The following PIWIL3 variants were observed in gnomAD, a reference collection of about 807,000 sequenced individuals.
The protein encoded by PIWIL3 is piwi-like protein 3.
PIWIL3 carries 101 observed loss-of-function variants against 109.7 expected under a neutral mutation model. That is an observed-to-expected ratio of 0.92 (90% CI 0.78 to 1.09). PIWIL3 has a LOEUF of 1.09. PIWIL3 is among the 50% of genes least tolerant of loss of function. The probability of loss-of-function intolerance (pLI) is 0.00; values close to 1 mark genes in which losing one functional copy is unlikely to be tolerated. For synonymous variants in PIWIL3, 373 were observed against 376.4 expected (o/e 0.99, Z 0.10); for missense variants, 1,031 against 1,072.6 (o/e 0.96, Z 0.54).
rs1177705936 is a variant in PIWIL3 at position 24,756,643 on chromosome 22, A to C, written c.418T>G (p.Trp140Gly). ...TCAACGTTGTATTTATATGCAACCC[A>C]CTGAGGACGAGATATCACTCGGAAG... is the stretch of plus-strand genomic sequence containing the variant. ...NHFRVISRPQWVAYKYNVDYK... is the reference protein window; with the variant it reads ...NHFRVISRPQGVAYKYNVDYK... Residue 140 changes from tryptophan to glycine, a missense_variant, in exon 5 of 21, where the codon TGG becomes GGG. Physicochemically the swap from Trp to Gly is radical, Grantham distance 184. Transcript: ENST00000616349. The C allele has an allele frequency of 4.3e-6, 7 of 1,614,030 alleles. No individual in the cohort carries two copies. The highest frequency in any genetic ancestry group is 5.9e-6 in the Non-Finnish European group (7 of 1,180,004).
chr22:24,749,419 A>G lies in PIWIL3; in HGVS notation c.1319T>C (p.Ile440Thr). ...CAGCACTTACTCTTGTAGAGTATTGATGAATTCTTTTAATGTATGATGCCT... is the reference window on the plus strand; with the variant it reads ...CAGCACTTACTCTTGTAGAGTATTGGTGAATTCTTTTAATGTATGATGCCT... ...RRRHHTLKEF[I>T]NTLQDNKKVR... Residue 440 changes from isoleucine to threonine, a missense_variant, in exon 11 of 21, where the codon ATC becomes ACC. Physicochemically the swap from Ile to Thr is moderately conservative, Grantham distance 89. Coordinates refer to ENST00000616349, the MANE Select transcript of PIWIL3 (RefSeq NM_001255975.1). 6.2e-7 allele frequency: 1 copy of G among 1,613,938 alleles called. No homozygotes were observed. Among genetic ancestry groups the G allele is most frequent in the South Asian group, 1.1e-5 (1 of 91,072 alleles).
intron 18 of PIWIL3, among the ~76,000 whole-genome samples, chr22:24,723,491 G>T (rs1469022314): frequency 6.6e-6 from 1 of 152,100 alleles, no homozygotes; most frequent in Non-Finnish European, 1.5e-5. Context: ...CACAACTTTA[G>T]GATCATTCCT....
Position 24,724,922 on chromosome 22 carries a change from C to A in PIWIL3, c.2196G>T (p.Lys732Asn), listed in dbSNP as rs1484559457. 6.2e-7 allele frequency: 1 copy of A among 1,614,098 alleles called. No homozygotes were observed. Among genetic ancestry groups the A allele is most frequent in the Admixed American group, 1.7e-5 (1 of 60,010 alleles). Residue 732 changes from lysine (K) to asparagine (N), a missense_variant, in exon 18 of 21, where the codon AAG becomes AAT. Transcript: ENST00000616349. ...LQALLDHEAK[K>N]MSTYLKTISP... Reference sequence around the variant, plus strand: ...AGATGGTTTTTAAGTAGGTCGACATCTTTTTCGCTTCATGGTCAAGCAATG... The same window carrying A: ...AGATGGTTTTTAAGTAGGTCGACATATTTTTCGCTTCATGGTCAAGCAATG...
intron 14 of PIWIL3, among the ~76,000 whole-genome samples, chr22:24,732,492 A>C (rs1432988622): frequency 6.6e-6 from 1 of 152,232 alleles, no homozygotes; most frequent in African/African-American, 2.4e-5. Context: ...TTCTTCTTCA[A>C]GAGGCAGAAG....
chr22:24,728,491 A>G, intron 14 of PIWIL3, 117 bp from the exon 15 acceptor site: 1 of 1,206,926 alleles, frequency 8.3e-7, no homozygotes, highest in Non-Finnish European at 1.2e-6. Flanking sequence ...TCAATTTATT[A>G]AGAAAATATA....
intron 1 of PIWIL3, among the ~76,000 whole-genome samples, chr22:24,764,173 C>G (rs982645037): frequency 6.6e-6 from 1 of 152,266 alleles, no homozygotes; most frequent in African/African-American, 2.4e-5. Flanking sequence ...GTCCCGGCCT[C>G]TTCTGGCGCC....
intron 18 of PIWIL3, among the ~76,000 whole-genome samples, chr22:24,724,625 CG>C (rs1922882140): frequency 6.6e-6 from 1 of 151,790 alleles, no homozygotes; most frequent in Admixed American, 6.6e-5. Context: ...TTAGTAGAGA[CG>C]GGGTTTCTCC....
rs138453415 is a variant in PIWIL3 at position 24,728,008 on chromosome 22, C to T, written c.1951G>A (p.Val651Ile). Residue 651 changes from valine to isoleucine, a missense_variant, in exon 16 of 21, where the codon GTA becomes ATA. Transcript: ENST00000616349. ...CCTGCTATTGATTTCTGTCGATTTA[C>T]GATATCGTGGAAACAATCAATGCCA... ...FVGIDCFHDIVNRQKSIAGFV... is the reference protein window; with the variant it reads ...FVGIDCFHDIINRQKSIAGFV... 1.9e-4 allele frequency: 308 copies of T among 1,613,952 alleles called. No homozygotes were observed. The African/African-American group carries it at 3.1e-3, about 16-fold the overall frequency.
chr22:24,739,643 G>A (rs1442525524), intron 12 of PIWIL3, among the ~76,000 whole-genome samples: 3 of 152,014 alleles, frequency 2.0e-5, no homozygotes, highest in Non-Finnish European at 2.9e-5. Flanking sequence ...AACAAAAGCC[G>A]AGGGATTTCA....
At chr22:24,720,746 T>G (rs548012888) in intron 19 of PIWIL3, among the ~76,000 whole-genome samples, 1 of 152,368 alleles carries the variant, frequency 6.6e-6, no homozygotes, top group South Asian at 2.1e-4. Context: ...TGCCTTTCCT[T>G]CATTTTACTT....
chr22:24,769,915 G>A (rs566782479), intron 1 of PIWIL3: 3 of 152,218 alleles, frequency 2.0e-5, no homozygotes, highest in African/African-American at 7.2e-5. Flanking sequence ...GAAATTCAAA[G>A]CCACATTCTA....
chr22:24,719,761 T>TA lies in PIWIL3; in HGVS notation c.2491dup (p.Tyr831LeufsTer3). ...AAAAGTACTTACTGGCAAATTATAA[T>TA]ACATGTGGCATAGACAATATGTTAA... On this transcript the variant is annotated frameshift_variant, in exon 20 of 21. Transcript: ENST00000616349. LOFTEE classifies it low-confidence loss of function (END_TRUNC). The TA allele has an allele frequency of 6.2e-7, 1 of 1,611,332 alleles. No individual in the cohort carries two copies. The highest frequency in any genetic ancestry group is 1.1e-5 in the South Asian group (1 of 90,414).
At chr22:24,753,324 G>C (rs573826230) in intron 8 of PIWIL3, among the ~76,000 whole-genome samples, 1 of 152,332 alleles carries the variant, frequency 6.6e-6, no homozygotes, top group East Asian at 1.9e-4. Flanking sequence ...AACTGGAATT[G>C]TGTGAATTGC....
intron 16 of PIWIL3, among the ~76,000 whole-genome samples, chr22:24,726,190 T>C (rs1301166470): frequency 1.3e-5 from 2 of 152,348 alleles, no homozygotes; most frequent in East Asian, 1.9e-4. Flanking sequence ...TGGCTCATGA[T>C]GGTCTCTGCT....
At chr22:24,753,851 T>C (rs1048895361) in intron 8 of PIWIL3, among the ~76,000 whole-genome samples, 163 bp downstream of exon 8, 17 of 152,222 alleles carry the variant, frequency 1.1e-4, no homozygotes, top group Admixed American at 3.3e-4. Context: ...TGACACATTC[T>C]TCTCCCAAGT....
chr22:24,728,934 G>A (rs745352090), intron 14 of PIWIL3, among the ~76,000 whole-genome samples: 2 of 152,182 alleles, frequency 1.3e-5, no homozygotes, highest in African/African-American at 4.8e-5. Flanking sequence ...GTTAAGGCAG[G>A]TCCACACTAA....
At position 24,728,209 on chromosome 22, in the gene PIWIL3, T is replaced by C. The variant is rs117497991; in HGVS notation, c.1873A>G (p.Met625Val). The C allele has an allele frequency of 9.3e-5, 150 of 1,614,254 alleles. No homozygotes were observed. In the East Asian group the frequency reaches 2.8e-3, roughly 30 times the overall value. ...TCCACCTTCCAGAGGGCTCCTCCCATCTTGCAATTCATCTGCTGGGCAATC... is the reference window on the plus strand; with the variant it reads ...TCCACCTTCCAGAGGGCTCCTCCCACCTTGCAATTCATCTGCTGGGCAATC... ...TKIAQQMNCKMGGALWKVETD... is the reference protein window; with the variant it reads ...TKIAQQMNCKVGGALWKVETD... Residue 625 changes from methionine (M) to valine (V), a missense_variant, in exon 15 of 21, where the codon ATG (methionine) becomes GTG (valine). Met to Val is a conservative substitution (Grantham distance 21). Transcript: ENST00000616349.
At chr22:24,774,226 T>C (rs1926295735) in intron 1 of PIWIL3, 96 bp downstream of exon 1, 1 of 152,396 alleles carries the variant, frequency 6.6e-6, no homozygotes, top group African/African-American at 2.4e-5. Flanking sequence ...TGGAATGTGC[T>C]GTGAACCTCC....
At chr22:24,752,642 T>C (rs974729850) in intron 8 of PIWIL3, among the ~76,000 whole-genome samples, 13 of 152,244 alleles carry the variant, frequency 8.5e-5, no homozygotes, top group Admixed American at 4.6e-4. Context: ...CCACACTTTG[T>C]GGGTCTATGT....
Sources: allele counts gnomAD v4.1 joint callset (sites outside exome capture counted in the v4.1 genomes callset), GRCh38; gene constraint gnomAD v4.1.1; transcripts MANE v1.5; gene names NCBI Gene and HGNC (gene_info 2026-07-23, HGNC 2026-07-21).